The following RNF6 variants were observed in gnomAD, a reference collection of about 807,000 sequenced individuals.
RNF6 encodes E3 ubiquitin-protein ligase RNF6.
A neutral mutation model predicts 50.1 loss-of-function variants in RNF6; 21 were observed. That is an observed-to-expected ratio of 0.42 (90% CI 0.30 to 0.60). The LOEUF is 0.60. Ranked by LOEUF, RNF6 falls within the 20% of genes least tolerant of loss-of-function variation. RNF6 has a pLI of 0.20. For missense variants in RNF6, 698 were observed against 838.2 expected (o/e 0.83, Z 2.07); for synonymous variants, 255 against 291.8 (o/e 0.87, Z 1.29).
At chr13:26,186,013 C>T (rs949866232) in intron 5 of RNF6, among the ~76,000 whole-genome samples, 1 of 152,146 alleles carries the variant, frequency 6.6e-6, no homozygotes, top group Non-Finnish European at 1.5e-5. Context: ...AACTTGCAGT[C>T]TACATAAACA....
In RNF6 at chr13:26,197,338, G is replaced by A. The variant is rs374176428; in HGVS notation, n.768+18136C>T. ...TACAAATCTTTTCTCTGCCCATTTG[G>A]GATATACATGTATCTCCTACAACTC... On this transcript the variant is annotated intron_variant and non_coding_transcript_variant, in intron 5 of 5. Transcript: ENST00000468480. Among the ~76,000 whole-genome samples the A allele has an allele frequency of 2.6e-5, 4 of 151,808 alleles. No homozygotes were observed. The East Asian group carries it at 7.7e-4, about 29-fold the overall frequency.
Position 26,191,617 on chromosome 13 carries a change from ACT to A in RNF6, n.768+23855_768+23856del, listed in dbSNP as rs1566428195. Among the ~76,000 whole-genome samples, 3 of 151,560 alleles carry A rather than the reference ACT, an allele frequency of 2.0e-5. 1 individual carries two copies. The highest frequency in any genetic ancestry group is 4.2e-4 in the South Asian group (2 of 4,786). ...AAAAGTGCTTGGCAGTTCTCTCCTC[ACT>A]CTCTTTCTCCCGCTGCCTTGTGAAG... is the stretch of plus-strand genomic sequence containing the variant. On this transcript the variant is annotated intron_variant and non_coding_transcript_variant, in intron 5 of 5. Transcript: ENST00000468480.
chr13:26,161,848 C>T (rs967048731), intron 5 of RNF6, among the ~76,000 whole-genome samples: 7 of 152,202 alleles, frequency 4.6e-5, no homozygotes, highest in Non-Finnish European at 8.8e-5. Flanking sequence ...ATTGTGTCTT[C>T]TCTTTCCCTT....
At chr13:26,146,857 A>G (rs532770022) in intron 5 of RNF6, among the ~76,000 whole-genome samples, 61 of 152,220 alleles carry the variant, frequency 4.0e-4, no homozygotes, top group African/African-American at 1.4e-3. Flanking sequence ...GAGAGGCTTG[A>G]TGGTAGGTGA....
chr13:26,164,461 C>T (rs1012995461), intron 5 of RNF6, among the ~76,000 whole-genome samples: 2 of 151,902 alleles, frequency 1.3e-5, no homozygotes, highest in African/African-American at 4.8e-5. Context: ...CTTTTTTAAC[C>T]CTAACCCCTG....
intron 5 of RNF6, among the ~76,000 whole-genome samples, chr13:26,161,192 AT>A (rs1364625670): frequency 6.6e-6 from 1 of 152,196 alleles, no homozygotes; most frequent in African/African-American, 2.4e-5. Flanking sequence ...CTGTTTGACC[AT>A]TTGTGCCTCA....
chr13:26,166,794 C>T (rs1340652304), intron 5 of RNF6, among the ~76,000 whole-genome samples: 3 of 152,072 alleles, frequency 2.0e-5, no homozygotes, highest in Admixed American at 1.3e-4. Flanking sequence ...GTGGTGCGTG[C>T]CTGTAATCCC....
rs188184478 is a variant in RNF6, at chr13:26,219,306, T to C, written c.193+151A>G. Reference sequence around the variant, plus strand: ...TACAGAAGCCAGTGATTTTCTACTTTATTATACTAAAAAGTTCTTAAACTC... The same window carrying C: ...TACAGAAGCCAGTGATTTTCTACTTCATTATACTAAAAAGTTCTTAAACTC... On this transcript the variant is annotated intron_variant, in intron 3 of 4. Coordinates refer to ENST00000381588, the MANE Select transcript of RNF6 (RefSeq NM_005977.4). 1.8e-4 allele frequency: 113 copies of C among 631,084 alleles called. 1 individual carries two copies. The East Asian group carries it at 2.6e-3, about 15-fold the overall frequency. The allele number at this position is 631,084 out of a possible 1,614,324, so 39.1% of individuals were successfully genotyped here.
chr13:26,195,313 TGAGTTTTAGGGTATCTTAACA>T (rs1868617685), intron 5 of RNF6, among the ~76,000 whole-genome samples: 1 of 152,156 alleles, frequency 6.6e-6, no homozygotes, highest in African/African-American at 2.4e-5. Flanking sequence ...GAAAGAATTC[TGAGTTTTAGGGTATCTTAACA>T]GAAACCAAAG....
chr13:26,205,468 G>T (rs1219534110), intron 5 of RNF6, among the ~76,000 whole-genome samples: 2 of 152,156 alleles, frequency 1.3e-5, no homozygotes, highest in Admixed American at 6.5e-5. Context: ...TTCAGAAAAT[G>T]CCTTTCCATG....
chr13:26,150,013 TGTGTATATATATATACACA>T (rs1871498056), intron 5 of RNF6, among the ~76,000 whole-genome samples: 2 of 123,652 alleles, frequency 1.6e-5, no homozygotes, highest in African/African-American at 3.2e-5. Flanking sequence ...GTATATATAA[TGTGTATATATATATACACA>T]GTGTATATAT....
rs1872274448 is a variant in RNF6 at position 26,162,851 on chromosome 13, A to G, written n.769-30400T>C. On this transcript the variant is annotated intron_variant and non_coding_transcript_variant, in intron 5 of 5. Transcript: ENST00000468480. ...CATGACAGTTTATGGTTGACACCTG[A>G]CTGTAATATTTATAACATCTCTGTA... is the stretch of plus-strand genomic sequence containing the variant. Among the ~76,000 whole-genome samples, 3 of 152,254 alleles carry G rather than the reference A, an allele frequency of 2.0e-5. No homozygotes were observed. In the South Asian group the frequency reaches 6.2e-4, roughly 31 times the overall value.
intron 5 of RNF6, among the ~76,000 whole-genome samples, chr13:26,202,260 G>C (rs1463742954): frequency 6.6e-6 from 1 of 152,188 alleles, no homozygotes; most frequent in African/African-American, 2.4e-5. Flanking sequence ...ATGAGACAAT[G>C]AGCATGGAAT....
chr13:26,143,709 C>T, intron 5 of RNF6, among the ~76,000 whole-genome samples: 1 of 152,156 alleles, frequency 6.6e-6, no homozygotes, highest in East Asian at 1.9e-4. Context: ...GTATTGCCAC[C>T]AATCTGGAGC....
At chr13:26,187,476 C>T (rs1566426604) in intron 5 of RNF6, among the ~76,000 whole-genome samples, 1 of 152,130 alleles carries the variant, frequency 6.6e-6, no homozygotes, top group Admixed American at 6.5e-5. Flanking sequence ...GGGCTACATA[C>T]GACCACCCTT....
At chr13:26,137,647 A>C (rs957773237) in intron 5 of RNF6, among the ~76,000 whole-genome samples, 13 of 66,258 alleles carry the variant, frequency 2.0e-4, no homozygotes, top group Non-Finnish European at 4.2e-4. Flanking sequence ...AAAGAGATAG[A>C]AATTATAAAA....
chr13:26,196,292 A>C (rs1421380355), intron 5 of RNF6, among the ~76,000 whole-genome samples: 1 of 152,194 alleles, frequency 6.6e-6, no homozygotes, highest in Non-Finnish European at 1.5e-5. Flanking sequence ...AAAGGGAAAA[A>C]AAATGTCAAC....
chr13:26,215,439 CG>C lies in RNF6; in HGVS notation c.442del (p.Arg148GlyfsTer8). The part of the protein sequence containing the change: ...SRTNPNNGEF[R>X]FSLEIHVNHE... ...ATTTACGTGGATTTCCAAACTAAAC[CG>C]AAACTCTCCATTGTTCGGGTTTGTT... On this transcript the variant is annotated frameshift_variant, in exon 5 of 5. Coordinates refer to ENST00000381588, the MANE Select transcript of RNF6 (RefSeq NM_005977.4). LOFTEE classifies it high-confidence loss of function. 1 of 1,614,114 alleles carries C rather than the reference CG, an allele frequency of 6.2e-7. No homozygotes were observed. The highest frequency in any genetic ancestry group is 8.5e-7 in the Non-Finnish European group (1 of 1,180,030).
chr13:26,214,428 C>T lies in RNF6; in HGVS notation c.1454G>A (p.Arg485Lys). 4 of 1,614,130 alleles carry T rather than the reference C, an allele frequency of 2.5e-6. No individual in the cohort carries two copies. Among genetic ancestry groups the T allele is most frequent in the Non-Finnish European group, 2.5e-6 (3 of 1,180,030 alleles). The change falls in exon 5 of 5, where the codon AGG (arginine) becomes AAG (lysine). Residue 485 changes from arginine (R) to lysine (K), a missense_variant. Arg to Lys is a conservative substitution (Grantham distance 26). Transcript: ENST00000381588. ...PSSVALRSILRQIMTGFGELS... is the reference protein window; with the variant it reads ...PSSVALRSILKQIMTGFGELS... Reference sequence around the variant, plus strand: ...TTCTCCAAACCCAGTCATGATCTGCCTTAAAATTGACCGAAGAGCCACTGA... The same window carrying T: ...TTCTCCAAACCCAGTCATGATCTGCTTTAAAATTGACCGAAGAGCCACTGA...
Sources: allele counts gnomAD v4.1 joint callset (sites outside exome capture counted in the v4.1 genomes callset), GRCh38; gene constraint gnomAD v4.1.1; transcripts MANE v1.5; gene names NCBI Gene and HGNC (gene_info 2026-07-23, HGNC 2026-07-21).